ZDHHC14: variants seen among roughly 807,000 people sequenced by gnomAD.
The protein encoded by ZDHHC14 is zDHHC palmitoyltransferase 14.
A neutral mutation model predicts 47.7 loss-of-function variants in ZDHHC14; 16 were observed. That is an observed-to-expected ratio of 0.34 (90% CI 0.23 to 0.51). ZDHHC14 has a LOEUF of 0.51. Among genes scored for constraint, ZDHHC14 ranks in the 20% least tolerant of loss-of-function variants. ZDHHC14 has a pLI of 0.97. For synonymous variants in ZDHHC14, 293 were observed against 278.9 expected, an observed-to-expected ratio of 1.05 and a Z score of -0.50; for missense variants, 515 against 662.5, an observed-to-expected ratio of 0.78 and a Z score of 2.44.
In ZDHHC14 at chr6:157,677,807, C is replaced by G. The variant is rs1248891295; in HGVS notation, c.*4685C>G. 2 of 145,844 alleles carry G rather than the reference C, an allele frequency of 1.4e-5. No individual in the cohort carries two copies. Among genetic ancestry groups the G allele is most frequent in the Non-Finnish European group, 3.0e-5 (2 of 67,266 alleles). The allele number at this position is 145,844 out of a possible 1,614,324, so 9.0% of individuals were successfully genotyped here. ...CACATGGCATGTCCAAGGAGACATGCTTTCTGGGTTCTATATGAATAGAGA... is the reference window on the plus strand; with the variant it reads ...CACATGGCATGTCCAAGGAGACATGGTTTCTGGGTTCTATATGAATAGAGA... On this transcript the variant is annotated 3_prime_UTR_variant, in exon 9 of 9. Transcript: ENST00000359775.
intron 1 of ZDHHC14, among the ~76,000 whole-genome samples, chr6:157,438,756 A>T (rs1003152915): frequency 1.3e-5 from 2 of 152,226 alleles, no homozygotes; most frequent in Non-Finnish European, 2.9e-5. Context: ...GTCATATTAA[A>T]AGCAGCCAAA....
rs1036785868 is a variant in ZDHHC14 at position 157,555,292 on chromosome 6, G to T, written c.406+12547G>T. ...TAGAAAGGAACACAGACACGGAGCT[G>T]GTCACAAATGGTTTGTCTGCGTAAT... On this transcript the variant is annotated intron_variant, in intron 2 of 8. Coordinates refer to ENST00000359775, the MANE Select transcript of ZDHHC14 (RefSeq NM_024630.3). 2.0e-5 allele frequency among the ~76,000 whole-genome samples: 3 copies of T among 152,312 alleles called. No individual in the cohort carries two copies. In the East Asian group the frequency reaches 5.8e-4, roughly 29 times the overall value.
At chr6:157,487,646 T>C (rs956428308) in intron 1 of ZDHHC14, among the ~76,000 whole-genome samples, 1 of 152,230 alleles carries the variant, frequency 6.6e-6, no homozygotes, top group African/African-American at 2.4e-5. Flanking sequence ...TTAACCTCTA[T>C]GCATACTGCC....
At chr6:157,650,984 C>G (rs1777806498) in intron 7 of ZDHHC14, among the ~76,000 whole-genome samples, 1 of 152,166 alleles carries the variant, frequency 6.6e-6, no homozygotes, top group Non-Finnish European at 1.5e-5. Flanking sequence ...CATTGCAGTT[C>G]CCTGATGGAG....
chr6:157,518,523 G>A (rs551619764), intron 1 of ZDHHC14, among the ~76,000 whole-genome samples: 2 of 152,300 alleles, frequency 1.3e-5, no homozygotes, highest in East Asian at 1.9e-4. Context: ...TAGAAGACCA[G>A]GGAGTGAATC....
intron 2 of ZDHHC14, among the ~76,000 whole-genome samples, chr6:157,579,190 GTTT>G (rs1187065924): frequency 1.6e-5 from 1 of 63,946 alleles, no homozygotes; most frequent in African/African-American, 5.5e-5. Context: ...TTGATTCTGT[GTTT>G]TTTTTTTTTT....
At position 157,500,574 on chromosome 6, in the gene ZDHHC14, G is replaced by T. The variant is rs565044895; in HGVS notation, c.246-42011G>T. On this transcript the variant is annotated intron_variant, in intron 1 of 8. Transcript: ENST00000359775. ...AGAGATGGGAAGTAACTCGAATTAGGAGCATTTTGACAGTGACACGATTTG... is the reference window on the plus strand; with the variant it reads ...AGAGATGGGAAGTAACTCGAATTAGTAGCATTTTGACAGTGACACGATTTG... 5.9e-5 allele frequency among the ~76,000 whole-genome samples: 9 copies of T among 152,280 alleles called. No homozygotes were observed. The South Asian group carries it at 1.5e-3, about 25-fold the overall frequency.
intron 1 of ZDHHC14, among the ~76,000 whole-genome samples, chr6:157,451,660 A>G (rs1778806093): frequency 6.6e-6 from 1 of 152,282 alleles, no homozygotes; most frequent in East Asian, 1.9e-4. Flanking sequence ...TCCTGGGTTC[A>G]AGCGATTCTT....
intron 1 of ZDHHC14, among the ~76,000 whole-genome samples, chr6:157,394,459 G>A (rs1777483256): frequency 6.6e-6 from 1 of 152,172 alleles, no homozygotes; most frequent in Admixed American, 6.5e-5. Flanking sequence ...GTGCACCTTT[G>A]GAGCCCTGAG....
At chr6:157,489,905 G>A (rs183009065) in intron 1 of ZDHHC14, among the ~76,000 whole-genome samples, 44 of 152,298 alleles carry the variant, frequency 2.9e-4, no homozygotes, top group Non-Finnish European at 1.6e-4. Flanking sequence ...GCTGCTGAGA[G>A]AAGAAAGGAT....
At chr6:157,504,370 G>A (rs1040142287) in intron 1 of ZDHHC14, among the ~76,000 whole-genome samples, 2 of 149,862 alleles carry the variant, frequency 1.3e-5, no homozygotes, top group African/African-American at 2.5e-5. Context: ...CCGTGGTCTC[G>A]ATCTCCTGAC....
chr6:157,399,760 G>A (rs1446249233), intron 1 of ZDHHC14, among the ~76,000 whole-genome samples: 2 of 152,228 alleles, frequency 1.3e-5, no homozygotes, highest in African/African-American at 2.4e-5. Context: ...ATTCTCCATG[G>A]CCCCTTTCCA....
intron 3 of ZDHHC14, among the ~76,000 whole-genome samples, chr6:157,595,690 T>G (rs1434213782): frequency 6.6e-6 from 1 of 152,168 alleles, no homozygotes; most frequent in Admixed American, 6.5e-5. Flanking sequence ...ATCACAGCTG[T>G]GCCTTTCCCC....
At chr6:157,420,799 A>G (rs953629370) in intron 1 of ZDHHC14, among the ~76,000 whole-genome samples, 1 of 152,136 alleles carries the variant, frequency 6.6e-6, no homozygotes, top group Non-Finnish European at 1.5e-5. Flanking sequence ...GCTTGAATGG[A>G]GAGATGTGCT....
At chr6:157,640,094 A>G (rs1583058500) in intron 5 of ZDHHC14, among the ~76,000 whole-genome samples, 3 of 152,310 alleles carry the variant, frequency 2.0e-5, no homozygotes. Flanking sequence ...ACCCTCAGAA[A>G]CACCTGCTGG....
chr6:157,572,291 A>G (rs1031318297), intron 2 of ZDHHC14, among the ~76,000 whole-genome samples: 12 of 152,074 alleles, frequency 7.9e-5, no homozygotes, highest in Non-Finnish European at 1.5e-4. Context: ...AAACATCTCT[A>G]GATGGTTTCA....
intron 6 of ZDHHC14, 85 bp downstream of exon 6, chr6:157,645,924 G>C: frequency 8.2e-7 from 1 of 1,222,802 alleles, no homozygotes. Flanking sequence ...GTTGAGCCCA[G>C]CTTTTCCCAT....
intron 1 of ZDHHC14, among the ~76,000 whole-genome samples, chr6:157,515,620 C>A (rs368458197): frequency 1.3e-5 from 2 of 152,092 alleles, no homozygotes; most frequent in Middle Eastern, 3.4e-3. Context: ...CCCGCCACCA[C>A]GCCCGGCTAA....
At chr6:157,494,337 C>T (rs747150764) in intron 1 of ZDHHC14, among the ~76,000 whole-genome samples, 15 of 152,226 alleles carry the variant, frequency 9.9e-5, no homozygotes, top group Non-Finnish European at 1.9e-4. Context: ...CCTTCCCCTG[C>T]ACCCTCTGAC....
Sources: allele counts gnomAD v4.1 joint callset (sites outside exome capture counted in the v4.1 genomes callset), GRCh38; gene constraint gnomAD v4.1.1; transcripts MANE v1.5; gene names NCBI Gene and HGNC (gene_info 2026-07-23, HGNC 2026-07-21).